The following OPCML variants were observed in gnomAD, a reference collection of about 807,000 sequenced individuals.
OPCML encodes opioid-binding protein/cell adhesion molecule.
In OPCML, 13 loss-of-function variants were observed where a neutral mutation model predicts 37.8. The observed-to-expected ratio is 0.34, with a 90% confidence interval of 0.22 to 0.55. OPCML has a LOEUF of 0.55. Ranked by LOEUF, OPCML falls within the 20% of genes least tolerant of loss-of-function variation. OPCML has a pLI of 0.91. For synonymous variants in OPCML, 176 were observed against 168.8 expected, an observed-to-expected ratio of 1.04 and a Z score of -0.33; for missense variants, 341 against 435.6, an observed-to-expected ratio of 0.78 and a Z score of 1.93.
intron 2 of OPCML, among the ~76,000 whole-genome samples, chr11:132,893,288 A>G (rs991681871): frequency 3.9e-5 from 6 of 152,176 alleles, no homozygotes; most frequent in African/African-American, 9.7e-5. Context: ...AAAAACCTCC[A>G]GGCCTAATCT....
At chr11:132,693,849 G>A (rs1943498749) in intron 2 of OPCML, among the ~76,000 whole-genome samples, 1 of 152,022 alleles carries the variant, frequency 6.6e-6, no homozygotes, top group Admixed American at 6.5e-5. Flanking sequence ...GGCCACCACG[G>A]AGAGGTCCAG....
At chr11:133,413,127 A>C (rs931151900) in intron 1 of OPCML, among the ~76,000 whole-genome samples, 22 of 152,080 alleles carry the variant, frequency 1.4e-4, no homozygotes, top group African/African-American at 4.3e-4. Flanking sequence ...TGTGGAGGGC[A>C]GTGATCACAG....
Position 132,501,199 on chromosome 11 carries a change from C to T in OPCML, c.505+27862G>A, listed in dbSNP as rs188003264. Among the ~76,000 whole-genome samples, 29 of 152,234 alleles carry T rather than the reference C, an allele frequency of 1.9e-4. No homozygotes were observed. In the East Asian group the frequency reaches 4.1e-3, roughly 21 times the overall value. On this transcript the variant is annotated intron_variant, in intron 4 of 7. Transcript: ENST00000524381. Reference sequence around the variant, plus strand: ...CATATGCAGAAAACAGAAACTGGACCCTTTCCTTACACCTTATACAAAAAT... The same window carrying T: ...CATATGCAGAAAACAGAAACTGGACTCTTTCCTTACACCTTATACAAAAAT...
chr11:132,995,575 T>C (rs1324254691), intron 1 of OPCML, among the ~76,000 whole-genome samples: 1 of 151,896 alleles, frequency 6.6e-6, no homozygotes, highest in Non-Finnish European at 1.5e-5. Flanking sequence ...GGATAAAACT[T>C]TGAGGAAAAG....
At chr11:133,250,426 AGAAG>A (rs530929844) in intron 1 of OPCML, among the ~76,000 whole-genome samples, 16 of 148,266 alleles carry the variant, frequency 1.1e-4, no homozygotes, top group South Asian at 4.4e-4. Context: ...AAGGAAGGAA[AGAAG>A]GAAGGAAGGA....
intron 2 of OPCML, among the ~76,000 whole-genome samples, chr11:132,680,081 G>A (rs1232086706): frequency 6.6e-6 from 1 of 152,154 alleles, no homozygotes; most frequent in African/African-American, 2.4e-5. Flanking sequence ...GGTCTACAGA[G>A]TGCAATTTCC....
At chr11:132,827,722 C>T (rs1000729455) in intron 2 of OPCML, among the ~76,000 whole-genome samples, 1 of 152,160 alleles carries the variant, frequency 6.6e-6, no homozygotes, top group African/African-American at 2.4e-5. Context: ...TCACTGCAAC[C>T]TCCGCCTCCC....
chr11:133,072,707 G>C (rs2137012741), intron 1 of OPCML, among the ~76,000 whole-genome samples: 1 of 152,298 alleles, frequency 6.6e-6, no homozygotes, highest in East Asian at 1.9e-4. Context: ...TCTAGGGAGG[G>C]GACAGACAGT....
At chr11:133,186,869 G>A (rs565602218) in intron 1 of OPCML, among the ~76,000 whole-genome samples, 1 of 152,132 alleles carries the variant, frequency 6.6e-6, no homozygotes, top group African/African-American at 2.4e-5. Context: ...TGAGGCTGGA[G>A]GGAGTTAGAA....
intron 1 of OPCML, among the ~76,000 whole-genome samples, chr11:133,091,849 G>GAA (rs1238929283): frequency 2.2e-4 from 34 of 152,270 alleles, no homozygotes; most frequent in Non-Finnish European, 4.0e-4. Context: ...ATTTTGAGTT[G>GAA]ATGCTGAAAT....
chr11:132,575,561 A>G (rs2096448481), intron 3 of OPCML, among the ~76,000 whole-genome samples: 1 of 151,924 alleles, frequency 6.6e-6, no homozygotes. Context: ...TATTGTCATA[A>G]TTTCCATTTG....
At chr11:132,745,669 C>A (rs927575577) in intron 2 of OPCML, among the ~76,000 whole-genome samples, 1 of 151,906 alleles carries the variant, frequency 6.6e-6, no homozygotes, top group Non-Finnish European at 1.5e-5. Flanking sequence ...ATCTTCCCAA[C>A]CACTTCCCTG....
chr11:132,604,308 G>A (rs778285264), intron 3 of OPCML, among the ~76,000 whole-genome samples: 6 of 151,176 alleles, frequency 4.0e-5, no homozygotes, highest in Non-Finnish European at 7.4e-5. Flanking sequence ...GGAGGAGTCC[G>A]TGCCTTGCTT....
At chr11:133,494,338 A>C (rs1488882651) in intron 1 of OPCML, among the ~76,000 whole-genome samples, 2 of 151,778 alleles carry the variant, frequency 1.3e-5, no homozygotes, top group Admixed American at 6.6e-5. Flanking sequence ...CTAGAACTAG[A>C]AATACCATTT....
chr11:133,095,043 A>T (rs138757168), intron 1 of OPCML, among the ~76,000 whole-genome samples: 6 of 152,138 alleles, frequency 3.9e-5, no homozygotes, highest in Admixed American at 2.0e-4. Context: ...TCCCAAGGGG[A>T]AATCAAGAGT....
At chr11:132,887,140 C>T (rs1197254874) in intron 2 of OPCML, among the ~76,000 whole-genome samples, 21 of 152,150 alleles carry the variant, frequency 1.4e-4, no homozygotes, top group Admixed American at 1.3e-3. Flanking sequence ...ATGGTGGTCT[C>T]GTAGGACCAT....
At chr11:132,661,729 C>T (rs1196569179) in intron 2 of OPCML, among the ~76,000 whole-genome samples, 1 of 152,244 alleles carries the variant, frequency 6.6e-6, no homozygotes, top group East Asian at 1.9e-4. Flanking sequence ...AAACAGAACT[C>T]ATTACAACTA....
At chr11:132,436,940 A>G (rs2096015213) in intron 5 of OPCML, 161 bp from the exon 6 acceptor site, 1 of 983,600 alleles carries the variant, frequency 1.0e-6, no homozygotes. Context: ...TTCAGGAAAA[A>G]TAAGCTGCTT....
chr11:132,763,986 T>G (rs2136105011), intron 2 of OPCML, among the ~76,000 whole-genome samples: 1 of 152,356 alleles, frequency 6.6e-6, no homozygotes, highest in South Asian at 2.1e-4. Context: ...GCCTGACGAC[T>G]ACCAGGGCTC....
Sources: allele counts gnomAD v4.1 joint callset (sites outside exome capture counted in the v4.1 genomes callset), GRCh38; gene constraint gnomAD v4.1.1; transcripts MANE v1.5; gene names NCBI Gene and HGNC (gene_info 2026-07-23, HGNC 2026-07-21).